SMARCAD1: variants seen among roughly 807,000 people sequenced by gnomAD.
SMARCAD1 encodes SWI/SNF-related matrix-associated actin-dependent regulator of chromatin subfamily A containing DEAD/H box 1.
Under a neutral mutation model 127.1 loss-of-function variants are expected in SMARCAD1, and 25 were observed. The observed-to-expected ratio is 0.20, with a 90% confidence interval of 0.14 to 0.27. The LOEUF is 0.27. SMARCAD1 is among the 10% of genes least tolerant of loss of function. The pLI, the probability that SMARCAD1 is intolerant of heterozygous loss-of-function variation, is 1.00. For synonymous variants in SMARCAD1, 400 were observed against 396.9 expected (o/e 1.01, Z -0.09); for missense variants, 807 against 1,206.0 (o/e 0.67, Z 4.90).
intron 3 of SMARCAD1, among the ~76,000 whole-genome samples, chr4:94,231,299 G>A (rs1745809181): frequency 6.6e-6 from 1 of 152,158 alleles, no homozygotes; most frequent in African/African-American, 2.4e-5. Flanking sequence ...AAAAGATTCA[G>A]GAGAAACATA....
chr4:94,220,523 C>T (rs998525580), intron 2 of SMARCAD1, among the ~76,000 whole-genome samples: 1 of 152,180 alleles, frequency 6.6e-6, no homozygotes, highest in African/African-American at 2.4e-5. Context: ...GCTGGGATTA[C>T]AGGCATGAGC....
intron 9 of SMARCAD1, among the ~76,000 whole-genome samples, chr4:94,259,352 A>C (rs1750607224): frequency 6.6e-6 from 1 of 152,212 alleles, no homozygotes; most frequent in Non-Finnish European, 1.5e-5. Context: ...GCAGAATCTA[A>C]TCACAGTAAA....
At chr4:94,272,050 G>T (rs544570958) in intron 11 of SMARCAD1, among the ~76,000 whole-genome samples, 1 of 152,046 alleles carries the variant, frequency 6.6e-6, no homozygotes, top group Admixed American at 6.6e-5. Flanking sequence ...TGAGTGTATC[G>T]GTAGCTTGCG....
chr4:94,246,265 G>T (rs1748406240), intron 6 of SMARCAD1, among the ~76,000 whole-genome samples: 2 of 151,936 alleles, frequency 1.3e-5, no homozygotes, highest in African/African-American at 2.4e-5. Context: ...GATTACAGGT[G>T]CCTGCCACCA....
At position 94,274,872 on chromosome 4, in the gene SMARCAD1, A is replaced by C. The variant is rs755567109; in HGVS notation, c.1733-18A>C. 1.2e-6 allele frequency: 2 copies of C among 1,603,578 alleles called. No individual in the cohort carries two copies. The highest frequency in any genetic ancestry group is 1.7e-6 in the Non-Finnish European group (2 of 1,170,712). Reference sequence around the variant, plus strand: ...CAGCACAATAAATAGTCATGTGTTTATTGTTTTTAAATTCTAGGTTCTCAA... The same window carrying C: ...CAGCACAATAAATAGTCATGTGTTTCTTGTTTTTAAATTCTAGGTTCTCAA... On this transcript the variant is annotated intron_variant, in intron 13 of 23. Coordinates refer to ENST00000354268, the MANE Select transcript of SMARCAD1 (RefSeq NM_020159.5).
Position 94,207,886 on chromosome 4 carries a change from C to G in SMARCAD1, c.-234C>G, listed in dbSNP as rs993070991. On this transcript the variant is annotated 5_prime_UTR_variant, in exon 1 of 24. Coordinates refer to ENST00000354268, the MANE Select transcript of SMARCAD1 (RefSeq NM_020159.5). ...CGCCGCGTCAACTTCCGGGCGGATG[C>G]CCGCCAGCACGGCCTCCGCCGCTCC... 3 of 332,360 alleles carry G rather than the reference C, an allele frequency of 9.0e-6. No homozygotes were observed. The highest frequency in any genetic ancestry group is 8.3e-5 in the Admixed American group (2 of 23,978). The allele number at this position is 332,360 out of a possible 1,614,324, so 20.6% of individuals were successfully genotyped here. A position where few individuals can be genotyped will look rare whatever the true frequency, so the allele number is the denominator to read the frequency against.
rs1184580576 is a variant in SMARCAD1 at position 94,252,796 on chromosome 4, A to G, written c.1070A>G (p.Asp357Gly). 1.9e-6 allele frequency: 3 copies of G among 1,614,054 alleles called. No homozygotes were observed. The highest frequency in any genetic ancestry group is 1.1e-5 in the South Asian group (1 of 91,044). ...TTTAATCCAAAGAGAGTTGTTGAAG[A>G]CTCTGAATATGATTCAGGTTCTGAT... Reference protein sequence around the residue: ...NVFNPKRVVEDSEYDSGSDVG... With the variant: ...NVFNPKRVVEGSEYDSGSDVG... The change falls in exon 9 of 24, where the codon GAC becomes GGC. Residue 357 changes from aspartate (D) to glycine (G), a missense_variant. Transcript: ENST00000354268.
rs773132413 is a variant in SMARCAD1 at position 94,285,076 on chromosome 4, T to G, written c.3019+7T>G. 1 of 1,561,350 alleles carries G rather than the reference T, an allele frequency of 6.4e-7. No individual in the cohort carries two copies. The highest frequency in any genetic ancestry group is 1.7e-5 in the Admixed American group (1 of 58,582). ...ATGACTACAGTAGATGAAGGTGAGT[T>G]GTTTGTAAGCAGAAACTTCAATATT... On this transcript the variant is annotated splice_region_variant and intron_variant, in intron 23 of 23. Coordinates refer to ENST00000354268, the MANE Select transcript of SMARCAD1 (RefSeq NM_020159.5).
intron 21 of SMARCAD1, among the ~76,000 whole-genome samples, chr4:94,282,849 A>C (rs762279292): frequency 3.3e-5 from 5 of 152,144 alleles, no homozygotes; most frequent in Non-Finnish European, 4.4e-5. Flanking sequence ...GCTAAGCCAC[A>C]AGTTTAAAAA....
At chr4:94,214,986 AG>A (rs1182384999) in intron 2 of SMARCAD1, among the ~76,000 whole-genome samples, 1 of 152,174 alleles carries the variant, frequency 6.6e-6, no homozygotes, top group African/African-American at 2.4e-5. Context: ...TTGAGTAAAA[AG>A]TCAACTGTTT....
rs1746259699 is a variant in SMARCAD1 at position 94,234,027 on chromosome 4, C to T, written c.442C>T (p.Leu148=). The T allele has an allele frequency of 6.2e-7, 1 of 1,613,758 alleles. No homozygotes were observed. The highest frequency in any genetic ancestry group is 8.5e-7 in the Non-Finnish European group (1 of 1,179,838). The change falls in exon 4 of 24, where the codon CTG becomes TTG. Residue 148 remains leucine, a synonymous_variant. Transcript: ENST00000354268. ...MARRNDDISE[L]EDLSELEDLK... is the part of the protein sequence containing the mutation. ...ACGTAGAAATGATGATATTTCAGAA[C>T]TGGAAGACCTTTCGGAATTGGAAGA...
intron 14 of SMARCAD1, 63 bp downstream of exon 14, chr4:94,275,028 T>C (rs1357151567): frequency 5.4e-6 from 6 of 1,119,244 alleles, no homozygotes; most frequent in African/African-American, 4.6e-5. Flanking sequence ...AAAAAAGAAA[T>C]TGTAGTAGTA....
intron 7 of SMARCAD1, among the ~76,000 whole-genome samples, chr4:94,250,003 C>T (rs1749042084): frequency 6.6e-6 from 1 of 151,840 alleles, no homozygotes; most frequent in African/African-American, 2.4e-5. Flanking sequence ...AAATTGTGAA[C>T]TCATTTATAA....
intron 3 of SMARCAD1, 34 bp downstream of exon 3, chr4:94,226,330 G>T: frequency 6.4e-7 from 1 of 1,560,046 alleles, no homozygotes; most frequent in Non-Finnish European, 8.8e-7. Flanking sequence ...GTATTTGCAT[G>T]TGTGTGAGAT....
chr4:94,219,788 A>G (rs758645669), intron 2 of SMARCAD1, among the ~76,000 whole-genome samples: 1 of 152,170 alleles, frequency 6.6e-6, no homozygotes, highest in African/African-American at 2.4e-5. Context: ...TGCACAAATT[A>G]TGCTTATAAC....
chr4:94,252,294 GC>G (rs1749394151), intron 8 of SMARCAD1, among the ~76,000 whole-genome samples: 1 of 152,132 alleles, frequency 6.6e-6, no homozygotes, highest in Non-Finnish European at 1.5e-5. Context: ...TTCAGTGTTG[GC>G]ATAGTTGAGT....
rs967967849 is a variant in SMARCAD1, at chr4:94,291,118, A to T, written c.*1584A>T. 6.7e-6 allele frequency: 3 copies of T among 450,344 alleles called. No homozygotes were observed. The highest frequency in any genetic ancestry group is 4.0e-5 in the African/African-American group (2 of 49,622). 27.9% of individuals were successfully genotyped at this position (450,344 alleles called of 1,614,324 possible). ...GGAATTTTACCTTTTAAAATCTCAT[A>T]ATGGATATCTCATGTTTTCTGTATT... On this transcript the variant is annotated 3_prime_UTR_variant, in exon 24 of 24. Coordinates refer to ENST00000354268, the MANE Select transcript of SMARCAD1 (RefSeq NM_020159.5).
In SMARCAD1 at chr4:94,213,159, A is replaced by T. The variant is rs566936030; in HGVS notation, c.190+4575A>T. ...AGAGCACCAGGAGAAAATGGTATGT[A>T]AATATATAGTTAAAATAGTATGGTG... On this transcript the variant is annotated intron_variant, in intron 2 of 23. Coordinates refer to ENST00000354268, the MANE Select transcript of SMARCAD1 (RefSeq NM_020159.5). The T allele has an allele frequency of 1.3e-5, 16 of 1,229,612 alleles. No individual in the cohort carries two copies. In the East Asian group the frequency reaches 7.9e-4, roughly 61 times the overall value. 76.2% of individuals were successfully genotyped at this position (1,229,612 alleles called of 1,614,324 possible). A position where few individuals can be genotyped will look rare whatever the true frequency, so the allele number is the denominator to read the frequency against.
intron 13 of SMARCAD1, 29 bp from the exon 14 acceptor site, chr4:94,274,861 G>A: frequency 6.3e-7 from 1 of 1,586,602 alleles, no homozygotes; most frequent in Non-Finnish European, 8.7e-7. Context: ...ACAATAAATA[G>A]TCATGTGTTT....
Sources: allele counts gnomAD v4.1 joint callset (sites outside exome capture counted in the v4.1 genomes callset), GRCh38; gene constraint gnomAD v4.1.1; transcripts MANE v1.5; gene names NCBI Gene and HGNC (gene_info 2026-07-23, HGNC 2026-07-21).